SUCLA2: variants seen among roughly 807,000 people sequenced by gnomAD.
SUCLA2 encodes the protein succinate--CoA ligase [ADP-forming] subunit beta, mitochondrial.
SUCLA2 carries 30 observed loss-of-function variants against 54.8 expected under a neutral mutation model. The observed-to-expected ratio is 0.55, with a 90% CI of 0.41 to 0.74. The LOEUF is 0.74. Among genes scored for constraint, SUCLA2 ranks in the 30% least tolerant of loss-of-function variants. SUCLA2 has a pLI of 0.00. For missense variants in SUCLA2, 476 were observed against 562.9 expected (o/e 0.85, Z 1.56); for synonymous variants, 172 against 188.9 (o/e 0.91, Z 0.74).
At chr13:47,987,891 A>T (rs1451791923) in intron 4 of SUCLA2, 1 of 152,068 alleles carries the variant, frequency 6.6e-6, no homozygotes, top group African/African-American at 2.4e-5. Context: ...CGAAAAACAG[A>T]TAATTCTAGT....
chr13:47,980,577 T>A lies in SUCLA2; in HGVS notation c.535-7185A>T, dbSNP rs140284794. 4.0e-3 allele frequency among the ~76,000 whole-genome samples: 601 copies of A among 152,016 alleles called. 2 individuals are homozygous for A. Among genetic ancestry groups the A allele is most frequent in the African/African-American group, 0.013 (545 of 41,476 alleles). ...TATCAAAATCCCAATGGCTTTTTTT[T>A]ATAAAAATAGAAAAATACACTAAAA... On this transcript the variant is annotated intron_variant, in intron 4 of 10. Transcript: ENST00000646932.
At chr13:47,997,917 G>A (rs1593506224) in intron 1 of SUCLA2, among the ~76,000 whole-genome samples, 1 of 152,078 alleles carries the variant, frequency 6.6e-6, no homozygotes, top group African/African-American at 2.4e-5. Flanking sequence ...AGAATCTCTG[G>A]ACTGGGCCCA....
chr13:47,964,376 T>C (rs1019661722), intron 6 of SUCLA2, among the ~76,000 whole-genome samples: 5 of 152,148 alleles, frequency 3.3e-5, no homozygotes, highest in African/African-American at 1.2e-4. Context: ...ACAGTCTGTA[T>C]CTTGATTGTG....
chr13:47,983,783 C>T lies in SUCLA2; in HGVS notation c.534+4758G>A, dbSNP rs935316852. Among the ~76,000 whole-genome samples the T allele has an allele frequency of 7.2e-5, 11 of 152,234 alleles. No individual in the cohort carries two copies. In the East Asian group the frequency reaches 2.1e-3, roughly 29 times the overall value. The stretch of plus-strand genomic sequence containing the variant: ...GGATTACAGGTGTGAGCCACCGCAC[C>T]CAGCCTCTTTTCATTTTAGTTTTAC... On this transcript the variant is annotated intron_variant, in intron 4 of 10. Transcript: ENST00000646932.
intron 6 of SUCLA2, among the ~76,000 whole-genome samples, chr13:47,958,134 T>C (rs2137699656): frequency 6.6e-6 from 1 of 152,308 alleles, no homozygotes; most frequent in East Asian, 1.9e-4. Context: ...GATGTTCTCC[T>C]TTGCTGATGT....
At chr13:47,959,292 G>A (rs1012721827) in intron 6 of SUCLA2, among the ~76,000 whole-genome samples, 34 of 151,956 alleles carry the variant, frequency 2.2e-4, no homozygotes, top group Non-Finnish European at 4.4e-4. Flanking sequence ...AAAAAATTAT[G>A]TATATGATGA....
At chr13:47,948,245 G>A (rs184350848) in intron 10 of SUCLA2, among the ~76,000 whole-genome samples, 66 of 152,310 alleles carry the variant, frequency 4.3e-4, no homozygotes, top group African/African-American at 1.5e-3. Flanking sequence ...TGTTTAAGAT[G>A]ATCACAGATA....
At chr13:48,000,247 C>A (rs562595349) in intron 1 of SUCLA2, among the ~76,000 whole-genome samples, 2 of 151,966 alleles carry the variant, frequency 1.3e-5, no homozygotes, top group Non-Finnish European at 1.5e-5. Flanking sequence ...TGACTTAGGA[C>A]ACCAATAATG....
At chr13:47,957,854 A>G (rs1024734035) in intron 6 of SUCLA2, among the ~76,000 whole-genome samples, 11 of 152,202 alleles carry the variant, frequency 7.2e-5, no homozygotes, top group Non-Finnish European at 1.3e-4. Context: ...AGCCCAACTA[A>G]TGGAGAGAGG....
At chr13:47,965,931 C>T (rs1949914707) in intron 6 of SUCLA2, among the ~76,000 whole-genome samples, 1 of 152,098 alleles carries the variant, frequency 6.6e-6, no homozygotes, top group Non-Finnish European at 1.5e-5. Context: ...ACCTGTAGTC[C>T]CAGCTACTCG....
chr13:47,974,153 T>C (rs905313810), intron 4 of SUCLA2, among the ~76,000 whole-genome samples: 1 of 152,028 alleles, frequency 6.6e-6, no homozygotes, highest in Non-Finnish European at 1.5e-5. Context: ...ATATAACCTA[T>C]GCATTTTTCA....
intron 5 of SUCLA2, among the ~76,000 whole-genome samples, chr13:47,970,688 C>A (rs1305156772): frequency 1.3e-5 from 2 of 152,110 alleles, no homozygotes; most frequent in East Asian, 3.9e-4. Flanking sequence ...GGTGAAACCC[C>A]ATCTCTACTA....
chr13:47,982,729 T>C (rs1409471976), intron 4 of SUCLA2, among the ~76,000 whole-genome samples: 1 of 151,578 alleles, frequency 6.6e-6, no homozygotes, highest in East Asian at 1.9e-4. Flanking sequence ...AAAAAATCTC[T>C]GAACACCAAA....
chr13:47,961,662 A>G (rs1220689895), intron 6 of SUCLA2, among the ~76,000 whole-genome samples: 2 of 152,122 alleles, frequency 1.3e-5, no homozygotes, highest in Admixed American at 6.6e-5. Flanking sequence ...ATTTATTTAG[A>G]TATGTTGTTA....
chr13:47,965,815 G>T (rs1469008005), intron 6 of SUCLA2, among the ~76,000 whole-genome samples: 1 of 152,176 alleles, frequency 6.6e-6, no homozygotes, highest in Non-Finnish European at 1.5e-5. Context: ...TTCGGAGGCC[G>T]AGGCAGGCAG....
intron 5 of SUCLA2, among the ~76,000 whole-genome samples, chr13:47,969,662 T>C (rs1414687930): frequency 2.0e-5 from 3 of 152,362 alleles, no homozygotes; most frequent in South Asian, 2.1e-4. Flanking sequence ...AGGAACCCTA[T>C]AGAGAATTCT....
At chr13:47,971,660 G>A (rs986018465) in intron 5 of SUCLA2, 4 of 371,210 alleles carry the variant, frequency 1.1e-5, no homozygotes, top group African/African-American at 8.3e-5. Context: ...TGAAAGAATT[G>A]AAAGAAGGAC....
intron 4 of SUCLA2, among the ~76,000 whole-genome samples, chr13:47,986,554 C>T (rs1379033992): frequency 6.6e-6 from 1 of 152,142 alleles, no homozygotes; most frequent in Non-Finnish European, 1.5e-5. Flanking sequence ...TTAATTAGAT[C>T]CCATTTGTCA....
intron 6 of SUCLA2, among the ~76,000 whole-genome samples, chr13:47,960,936 G>A (rs570701931): frequency 6.6e-6 from 1 of 152,138 alleles, no homozygotes; most frequent in Non-Finnish European, 1.5e-5. Context: ...TGTAAAGGCC[G>A]ATTTTGAGGG....
Sources: gnomAD v4.1 joint callset for allele counts (sites outside exome capture counted in the v4.1 genomes callset) on GRCh38, gnomAD v4.1.1 for gene constraint, MANE v1.5 for transcripts, NCBI Gene and HGNC (gene_info 2026-07-23, HGNC 2026-07-21) for gene names.